MMUT: variants seen among roughly 807,000 people sequenced by gnomAD.
MMUT encodes methylmalonyl-CoA mutase.
In MMUT, 79 loss-of-function variants were observed where a neutral mutation model predicts 79.9. The ratio of observed to expected loss-of-function variants is 0.99; its 90% CI spans 0.82 to 1.19. MMUT has a LOEUF of 1.19. Ranked by LOEUF, MMUT falls within the 50% of genes most tolerant of loss-of-function variation. The pLI is 0.00. For synonymous variants in MMUT, 273 were observed against 295.7 expected (o/e 0.92, Z 0.79); for missense variants, 860 against 917.2 (o/e 0.94, Z 0.81).
chr6:49,445,111 A>T (rs1160770599), intron 8 of MMUT, among the ~76,000 whole-genome samples: 1 of 152,166 alleles, frequency 6.6e-6, no homozygotes, highest in African/African-American at 2.4e-5. Flanking sequence ...TTGAAGGAAC[A>T]CTAAAGATTA....
chr6:49,437,102 A>G (rs918676436), intron 11 of MMUT, among the ~76,000 whole-genome samples: 6 of 152,190 alleles, frequency 3.9e-5, no homozygotes, highest in African/African-American at 1.2e-4. Flanking sequence ...TTGAATACTA[A>G]AAGAATGTTT....
rs986827642 is a variant in MMUT at position 49,447,928 on chromosome 6, TC to T, written c.1445-144del. On this transcript the variant is annotated intron_variant, in intron 7 of 12. Transcript: ENST00000274813. ...TGCAACTTCAATATAGATCAGCAAA[TC>T]CCAATCTGAGAAGGGGGTGTGAGAG... 4.9e-6 allele frequency: 3 copies of T among 616,974 alleles called. No individual in the cohort carries two copies. The African/African-American group carries it at 5.6e-5, about 11-fold the overall frequency. 38.2% of individuals were successfully genotyped at this position (616,974 alleles called of 1,614,324 possible). A position where few individuals can be genotyped will look rare whatever the true frequency, so the allele number is the denominator to read the frequency against.
Position 49,433,316 on chromosome 6 carries a change from G to A in MMUT, c.2125-1460C>T, listed in dbSNP as rs1014390599. 1.3e-4 allele frequency among the ~76,000 whole-genome samples: 20 copies of A among 152,134 alleles called. 1 individual carries two copies. The highest frequency in any genetic ancestry group is 4.4e-5 in the Non-Finnish European group (3 of 68,018). ...TCTGAGTTATGGATTTAGAATGGAG[G>A]ATTCAACTGGAAGAGAACTGCAAGA... is the stretch of plus-strand genomic sequence containing the variant. On this transcript the variant is annotated intron_variant, in intron 12 of 12. Transcript: ENST00000274813.
At chr6:49,440,056 G>A (rs1176032758) in intron 11 of MMUT, 150 bp downstream of exon 11, 3 of 1,039,328 alleles carry the variant, frequency 2.9e-6, no homozygotes, top group Non-Finnish European at 4.4e-6. Flanking sequence ...GGGCAGGAAT[G>A]GAGAGAAAGG....
chr6:49,460,200 A>C (rs968005681), intron 1 of MMUT, among the ~76,000 whole-genome samples: 1 of 152,226 alleles, frequency 6.6e-6, no homozygotes, highest in African/African-American at 2.4e-5. Context: ...ATGTGCCAGT[A>C]ACATAGAAGG....
intron 9 of MMUT, among the ~76,000 whole-genome samples, chr6:49,444,064 C>A (rs1162441712): frequency 6.6e-6 from 1 of 151,934 alleles, no homozygotes; most frequent in Non-Finnish European, 1.5e-5. Context: ...AGTAGAAAAT[C>A]AAATGCAGTA....
chr6:49,446,709 T>C (rs575049710), intron 8 of MMUT, among the ~76,000 whole-genome samples: 1 of 152,012 alleles, frequency 6.6e-6, no homozygotes, highest in South Asian at 2.1e-4. Flanking sequence ...ATTGCTATAT[T>C]GTCATTAATG....
chr6:49,462,933 C>A (rs1033575578), intron 1 of MMUT, among the ~76,000 whole-genome samples, 170 bp downstream of exon 1: 6 of 152,150 alleles, frequency 3.9e-5, no homozygotes, highest in Non-Finnish European at 8.8e-5. Flanking sequence ...AAGTGAAAAT[C>A]TAAACCTAAG....
chr6:49,458,629 A>T (rs1034476423), intron 2 of MMUT, among the ~76,000 whole-genome samples: 1 of 152,256 alleles, frequency 6.6e-6, no homozygotes, highest in Non-Finnish European at 1.5e-5. Flanking sequence ...GTACAATTTT[A>T]TTACAGCTCA....
At chr6:49,462,231 T>A (rs1767869905) in intron 1 of MMUT, among the ~76,000 whole-genome samples, 1 of 152,138 alleles carries the variant, frequency 6.6e-6, no homozygotes, top group Non-Finnish European at 1.5e-5. Context: ...TACTGACAAC[T>A]AAAATGAGTT....
chr6:49,454,709 T>C (rs1767643704), intron 4 of MMUT, among the ~76,000 whole-genome samples: 1 of 152,246 alleles, frequency 6.6e-6, no homozygotes, highest in African/African-American at 2.4e-5. Context: ...TATTTCTTTA[T>C]TTGTATAATA....
chr6:49,438,111 A>G (rs1483942499), intron 11 of MMUT, among the ~76,000 whole-genome samples: 3 of 145,042 alleles, frequency 2.1e-5, no homozygotes, highest in Admixed American at 2.0e-4. Context: ...TGTAACCTCG[A>G]GGACAAAATT....
intron 8 of MMUT, among the ~76,000 whole-genome samples, chr6:49,447,160 A>G (rs1767429797): frequency 6.6e-6 from 1 of 151,966 alleles, no homozygotes; most frequent in Admixed American, 6.6e-5. Flanking sequence ...TGTAAACTGT[A>G]CCTTACTAAA....
At chr6:49,436,244 A>C (rs141339042) in intron 11 of MMUT, among the ~76,000 whole-genome samples, 1 of 152,274 alleles carries the variant, frequency 6.6e-6, no homozygotes, top group South Asian at 2.1e-4. Flanking sequence ...CAAAACAGAA[A>C]TACCTCCCAA....
chr6:49,460,004 T>C (rs1767800106), intron 1 of MMUT, among the ~76,000 whole-genome samples: 1 of 152,188 alleles, frequency 6.6e-6, no homozygotes, highest in East Asian at 1.9e-4. Flanking sequence ...GGTCTCTGTT[T>C]CCCCCTCAGA....
chr6:49,445,333 A>G (rs1767384323), intron 8 of MMUT, among the ~76,000 whole-genome samples: 1 of 152,166 alleles, frequency 6.6e-6, no homozygotes, highest in Non-Finnish European at 1.5e-5. Flanking sequence ...TGCTCTGCCA[A>G]TAATTTGTCA....
At chr6:49,462,497 T>C (rs1767879159) in intron 1 of MMUT, among the ~76,000 whole-genome samples, 1 of 152,152 alleles carries the variant, frequency 6.6e-6, no homozygotes, top group African/African-American at 2.4e-5. Context: ...GTTTAAAACT[T>C]TACACACATA....
intron 12 of MMUT, 39 bp downstream of exon 12, chr6:49,435,417 T>C (rs2127413312): frequency 6.4e-7 from 1 of 1,561,990 alleles, no homozygotes; most frequent in South Asian, 1.1e-5. Context: ...TTACTCAAGA[T>C]TCCCATCACA....
At chr6:49,435,016 A>G (rs1355059762) in intron 12 of MMUT, among the ~76,000 whole-genome samples, 1 of 152,208 alleles carries the variant, frequency 6.6e-6, no homozygotes, top group Non-Finnish European at 1.5e-5. Flanking sequence ...AATAGAAGCA[A>G]GCAAACTAAA....
Sources: gnomAD v4.1 joint callset for allele counts (sites outside exome capture counted in the v4.1 genomes callset) on GRCh38, gnomAD v4.1.1 for gene constraint, MANE v1.5 for transcripts, NCBI Gene and HGNC (gene_info 2026-07-23, HGNC 2026-07-21) for gene names.